STARD9: variants seen among roughly 807,000 people sequenced by gnomAD.
STARD9 encodes the protein stAR-related lipid transfer protein 9.
STARD9 carries 346 observed loss-of-function variants against 399.8 expected under a neutral mutation model. The observed-to-expected ratio is 0.87, with a 90% CI of 0.79 to 0.95. The LOEUF (loss-of-function observed/expected upper bound fraction) is 0.95. Among genes scored for constraint, STARD9 ranks in the 40% least tolerant of loss-of-function variants. The pLI, the probability that STARD9 is intolerant of heterozygous loss-of-function variation, is 0.00. For synonymous variants in STARD9, 2,203 were observed against 2,143.5 expected (o/e 1.03, Z -0.77); for missense variants, 5,832 against 5,667.5 (o/e 1.03, Z -0.93).
chr15:42,590,743 C>T (rs965854511), intron 3 of STARD9, among the ~76,000 whole-genome samples: 1 of 152,046 alleles, frequency 6.6e-6, no homozygotes, highest in African/African-American at 2.4e-5. Flanking sequence ...GGGAAGGAGA[C>T]AGTCTTGTCA....
intron 26 of STARD9, among the ~76,000 whole-genome samples, chr15:42,705,899 C>T (rs898871562): frequency 6.6e-6 from 1 of 151,868 alleles, no homozygotes; most frequent in Non-Finnish European, 1.5e-5. Flanking sequence ...ATTACAGGCG[C>T]CTGCCCCCAC....
At chr15:42,597,478 G>T (rs908556673) in intron 3 of STARD9, among the ~76,000 whole-genome samples, 1 of 151,574 alleles carries the variant, frequency 6.6e-6, no homozygotes, top group Non-Finnish European at 1.5e-5. Context: ...AGCGATTCTC[G>T]TGCCCCAGCC....
rs1595761607 is a variant in STARD9, at chr15:42,682,224, C to T, written c.2186C>T (p.Thr729Ile). The T allele has an allele frequency of 6.5e-7, 1 of 1,537,252 alleles. No homozygotes were observed. Reference protein sequence around the residue: ...ASVALDAWLQTDPEIQPSPFV... With the variant: ...ASVALDAWLQIDPEIQPSPFV... ...GTGGCACTTGATGCTTGGCTTCAGA[C>T]AGATCCTGAGATTCAGCCATCCCCA... Residue 729 changes from threonine (T) to isoleucine (I), a missense_variant, in exon 22 of 33, where the codon ACA becomes ATA. Transcript: ENST00000290607.
chr15:42,611,789 T>C (rs1595632216), intron 3 of STARD9, among the ~76,000 whole-genome samples: 3 of 152,004 alleles, frequency 2.0e-5, no homozygotes, highest in African/African-American at 7.3e-5. Context: ...TCATTAAGGC[T>C]ATGTGGGGAA....
intron 3 of STARD9, among the ~76,000 whole-genome samples, chr15:42,633,166 G>A (rs2141908289): frequency 6.6e-6 from 1 of 151,834 alleles, no homozygotes; most frequent in East Asian, 1.9e-4. Flanking sequence ...AAAAGAACAG[G>A]GAGTGTAGTC....
intron 16 of STARD9, 91 bp from the exon 17 acceptor site, chr15:42,674,349 A>T: frequency 5.9e-6 from 6 of 1,018,762 alleles, no homozygotes; most frequent in Non-Finnish European, 7.4e-6. Context: ...GAGGCTGGGA[A>T]GACAGTGAGA....
At chr15:42,615,073 A>G (rs1256328663) in intron 3 of STARD9, among the ~76,000 whole-genome samples, 2 of 147,938 alleles carry the variant, frequency 1.4e-5, no homozygotes, top group African/African-American at 2.5e-5. Flanking sequence ...CAGTGACACC[A>G]TCTTGGCTCA....
At position 42,701,116 on chromosome 15, in the gene STARD9, T is replaced by A. The variant is rs1405111468; in HGVS notation, c.13284+5236T>A. On this transcript the variant is annotated intron_variant, in intron 26 of 32. Transcript: ENST00000290607. ...TTGTTCTGTTCCTTTAGTCTGTGTG[T>A]CAGTTTTTATGCCAGTACCATGCTG... 2.0e-5 allele frequency among the ~76,000 whole-genome samples: 3 copies of A among 152,178 alleles called. No homozygotes were observed. The East Asian group carries it at 5.8e-4, about 29-fold the overall frequency.
Position 42,663,242 on chromosome 15 carries a change from ATTCC to A in STARD9, c.869-35_869-32del, listed in dbSNP as rs1029784785. The A allele has an allele frequency of 6.1e-6, 9 of 1,486,430 alleles. No homozygotes were observed. The African/African-American group carries it at 1.3e-4, about 21-fold the overall frequency. The allele number at this position is 1,486,430 out of a possible 1,614,324, so 92.1% of individuals were successfully genotyped here. ...TTTGTTTTAATATATTTGCTTCATA[ATTCC>A]TTCTTTCTTCCATTTTCTTTTTTCA... is the stretch of plus-strand genomic sequence containing the variant. On this transcript the variant is annotated intron_variant, in intron 11 of 32. Transcript: ENST00000290607.
In STARD9 at chr15:42,715,091, A is replaced by C. The variant is rs1201437781; in HGVS notation, c.13285-1586A>C. On this transcript the variant is annotated intron_variant, in intron 26 of 32. Transcript: ENST00000290607. ...AGGATGTATCAACAAAAAAAAAAAA[A>C]CCACTCAGAGAGATGAGAAGCCGGG... 3.4e-5 allele frequency among the ~76,000 whole-genome samples: 5 copies of C among 147,110 alleles called. No individual in the cohort carries two copies. The East Asian group carries it at 9.8e-4, about 29-fold the overall frequency.
chr15:42,695,239 T>TGCCC lies in STARD9; in HGVS notation c.13064_13067dup (p.Ala4357ProfsTer11). The TGCCC allele has an allele frequency of 6.5e-7, 1 of 1,537,060 alleles. No homozygotes were observed. The highest frequency in any genetic ancestry group is 1.2e-5 in the South Asian group (1 of 84,030). On this transcript the variant is annotated frameshift_variant, in exon 25 of 33. Coordinates refer to ENST00000290607, the MANE Select transcript of STARD9 (RefSeq NM_020759.3). LOFTEE classifies it high-confidence loss of function. ...CCCATGAGGAGGCCAAGGTGGAGAT[T>TGCCC]GCCCGGGCCCGAGACCAACTGCGGG...
rs2060802200 is a variant in STARD9 at position 42,694,714 on chromosome 15, G to A, written c.12951G>A (p.Val4317=). 1 of 1,537,060 alleles carries A rather than the reference G, an allele frequency of 6.5e-7. No homozygotes were observed. Among genetic ancestry groups the A allele is most frequent in the African/African-American group, 1.4e-5 (1 of 73,018 alleles). Residue 4317 remains valine, a synonymous_variant, in exon 24 of 33, where the codon GTG becomes GTA. Coordinates refer to ENST00000290607, the MANE Select transcript of STARD9 (RefSeq NM_020759.3). ...EYLQQLRKDV[V]ETTRSPESVS... is the part of the protein sequence containing the mutation. ...TGCAGCAACTGAGGAAGGATGTTGTGGAGACCACCAGGTAGTGTGGACCGA... is the reference window on the plus strand; with the variant it reads ...TGCAGCAACTGAGGAAGGATGTTGTAGAGACCACCAGGTAGTGTGGACCGA...
intron 9 of STARD9, among the ~76,000 whole-genome samples, chr15:42,656,317 A>C (rs893657739): frequency 8.0e-6 from 1 of 124,584 alleles, no homozygotes; most frequent in Non-Finnish European, 1.6e-5. Flanking sequence ...ACTGCACTCC[A>C]GCCATCTCCT....
In STARD9 at chr15:42,663,492, T is replaced by C; in HGVS notation, c.1078+2T>C. 6.5e-7 allele frequency: 1 copy of C among 1,537,234 alleles called. No individual in the cohort carries two copies. The highest frequency in any genetic ancestry group is 8.7e-7 in the Non-Finnish European group (1 of 1,146,860). Reference sequence around the variant, plus strand: ...ACTCTAAAACCATCATGGTTGCCAGTGAGTGGGATGCCAGAGCTGGACCTG... The same window carrying C: ...ACTCTAAAACCATCATGGTTGCCAGCGAGTGGGATGCCAGAGCTGGACCTG... On this transcript the variant is annotated splice_donor_variant, in intron 12 of 32. Transcript: ENST00000290607. LOFTEE classifies it high-confidence loss of function.
At chr15:42,676,041 G>A (rs1327615374) in intron 20 of STARD9, 66 bp downstream of exon 20, 8 of 930,962 alleles carry the variant, frequency 8.6e-6, no homozygotes, top group Admixed American at 2.2e-5. Flanking sequence ...ATGACAGCAT[G>A]GATCAGGGTG....
intron 9 of STARD9, among the ~76,000 whole-genome samples, chr15:42,659,193 T>G (rs576380518): frequency 2.3e-4 from 35 of 152,156 alleles, no homozygotes; most frequent in Admixed American, 7.9e-4. Context: ...ATACATCTGA[T>G]GGAGGAATTA....
chr15:42,634,270 G>C (rs1258158125), intron 3 of STARD9, among the ~76,000 whole-genome samples: 1 of 152,078 alleles, frequency 6.6e-6, no homozygotes, highest in East Asian at 1.9e-4. Flanking sequence ...AGTATACCAA[G>C]TACAGGAGTT....
Position 42,689,596 on chromosome 15 carries a change from A to C in STARD9, c.8018A>C (p.Gln2673Pro). The C allele has an allele frequency of 6.5e-7, 1 of 1,537,404 alleles. No individual in the cohort carries two copies. Among genetic ancestry groups the C allele is most frequent in the Non-Finnish European group, 8.7e-7 (1 of 1,146,940 alleles). ...VQAFSHAAPAQDRKRRTGELR... is the reference protein window; with the variant it reads ...VQAFSHAAPAPDRKRRTGELR... ...GCTTTCTCCCATGCTGCTCCTGCTC[A>C]AGACAGGAAACGTCGTACTGGAGAA... is the stretch of plus-strand genomic sequence containing the variant. The change falls in exon 23 of 33, where the codon CAA becomes CCA. Residue 2673 changes from glutamine (Q) to proline (P), a missense_variant. This residue lies in a region of STARD9 where 5,828 missense variants were observed against 5,651.1 expected (regional missense o/e 1.03). Transcript: ENST00000290607.
chr15:42,691,818 T>A lies in STARD9; in HGVS notation c.10240T>A (p.Ser3414Thr). ...TCCTTATCCAATGCCTTCCACTCTC[T>A]CACACATGCCAACCCCTGATTTCAC... ...TPPYPMPSTLSHMPTPDFTTS... is the reference protein window; with the variant it reads ...TPPYPMPSTLTHMPTPDFTTS... The change falls in exon 23 of 33, where the codon TCA (serine) becomes ACA (threonine). Residue 3414 changes from serine (S) to threonine (T), a missense_variant. Ser to Thr is a moderately conservative substitution (Grantham distance 58, BLOSUM62 1). Coordinates refer to ENST00000290607, the MANE Select transcript of STARD9 (RefSeq NM_020759.3). The A allele has an allele frequency of 6.5e-7, 1 of 1,537,232 alleles. No homozygotes were observed. Among genetic ancestry groups the A allele is most frequent in the Non-Finnish European group, 8.7e-7 (1 of 1,146,894 alleles).
Sources: gnomAD v4.1 joint callset for allele counts (sites outside exome capture counted in the v4.1 genomes callset) on GRCh38, gnomAD v4.1.1 for gene constraint, gnomAD v4.1.1 regional missense constraint, MANE v1.5 for transcripts, NCBI Gene and HGNC (gene_info 2026-07-23, HGNC 2026-07-21) for gene names.